Variants in WDR6 observed in about 807,000 individuals in gnomAD.
WDR6 encodes the protein tRNA (34-2'-O)-methyltransferase regulator WDR6.
Under a neutral mutation model 85.6 loss-of-function variants are expected in WDR6, and 58 were observed. That is an observed-to-expected ratio of 0.68 (90% CI 0.55 to 0.84). WDR6 has a LOEUF of 0.84. Ranked by LOEUF, WDR6 falls within the 40% of genes least tolerant of loss-of-function variation. The probability of loss-of-function intolerance (pLI) is 0.00; values close to 1 mark genes in which losing one functional copy is unlikely to be tolerated. For synonymous variants in WDR6, 569 were observed against 582.2 expected, an observed-to-expected ratio of 0.98 and a Z score of 0.33; for missense variants, 1,310 against 1,476.4, an observed-to-expected ratio of 0.89 and a Z score of 1.85.
chr3:49,011,870 G>A lies in WDR6; in HGVS notation c.336G>A (p.Leu112=). The A allele has an allele frequency of 6.2e-7, 1 of 1,614,262 alleles. No individual in the cohort carries two copies. Among genetic ancestry groups the A allele is most frequent in the Non-Finnish European group, 8.5e-7 (1 of 1,180,054 alleles). ...TCTGGGAGCTTTGGCGCTCTGGCCT[G>A]TGGAACATGTCTGACTGGATTTGGG... ...GHFWELWRSG[L]WNMSDWIWDA... The change falls in exon 2 of 6, where the codon CTG becomes CTA. Residue 112 remains leucine (L), a synonymous_variant. Transcript: ENST00000608424.
Position 49,014,641 on chromosome 3 carries a change from C to T in WDR6, c.2825C>T (p.Ala942Val), listed in dbSNP as rs753865101. ...LCSAATDGSL[A>V]FWDLTTMLDH... ...AGCGCAGCTACTGATGGCAGCCTGGCTTTCTGGGATCTCACCACCATGCTA... is the reference window on the plus strand; with the variant it reads ...AGCGCAGCTACTGATGGCAGCCTGGTTTTCTGGGATCTCACCACCATGCTA... The change falls in exon 5 of 6, where the codon GCT becomes GTT. Residue 942 changes from alanine to valine, a missense_variant. Transcript: ENST00000608424. The surrounding 1 kb of genome is among the most constrained non-coding windows in gnomAD (Gnocchi z 4.9). 1.5e-5 allele frequency: 24 copies of T among 1,613,580 alleles called. No individual in the cohort carries two copies. The highest frequency in any genetic ancestry group is 1.9e-5 in the Non-Finnish European group (23 of 1,179,996).
intron 1 of WDR6, among the ~76,000 whole-genome samples, chr3:49,010,569 G>A (rs2093008886): frequency 6.6e-6 from 1 of 151,984 alleles, no homozygotes; most frequent in South Asian, 2.1e-4. Flanking sequence ...TATAAAAACT[G>A]GTCGGGCTTG....
Position 49,014,804 on chromosome 3 carries a change from ACCCTCT to A in WDR6, c.2903-20_2903-15del. ...TGTGGCAGGCGGGGCCCTGACAACT[ACCCTCT>A]TCCTCTTCCTTCAGGGCTTGGCACC... On this transcript the variant is annotated splice_polypyrimidine_tract_variant and intron_variant, in intron 5 of 5. Coordinates refer to ENST00000608424, the MANE Select transcript of WDR6 (RefSeq NM_018031.6). The surrounding 1 kb of genome is among the most constrained non-coding windows in gnomAD (Gnocchi z 4.9). 11 of 1,600,050 alleles carry A rather than the reference ACCCTCT, an allele frequency of 6.9e-6. No individual in the cohort carries two copies. Among genetic ancestry groups the A allele is most frequent in the Non-Finnish European group, 8.5e-6 (10 of 1,171,416 alleles).
Position 49,007,507 on chromosome 3 carries a change from T to A in WDR6, c.76T>A (p.Cys26Ser). 1.3e-6 allele frequency: 2 copies of A among 1,596,372 alleles called. No individual in the cohort carries two copies. Among genetic ancestry groups the A allele is most frequent in the Non-Finnish European group, 8.6e-7 (1 of 1,166,662 alleles). Reference sequence around the variant, plus strand: ...ACTCCTCCCAGTGACGGGTCTGGAGTGCGTGGGGGACCGGCTGTTGGCGGG... The same window carrying A: ...ACTCCTCCCAGTGACGGGTCTGGAGAGCGTGGGGGACCGGCTGTTGGCGGG... ...LILLPVTGLE[C>S]VGDRLLAGEG... The change falls in exon 1 of 6, where the codon TGC becomes AGC. Residue 26 changes from cysteine to serine, a missense_variant. Coordinates refer to ENST00000608424, the MANE Select transcript of WDR6 (RefSeq NM_018031.6). This position sits in a 1 kb window ranked among gnomAD's most constrained non-coding sequence, Gnocchi z 5.1.
At position 49,012,559 on chromosome 3, in the gene WDR6, T is replaced by A. The variant is rs1349674390; in HGVS notation, c.1025T>A (p.Phe342Tyr). ...YRGLGVSALC[F>Y]KSRSRPGTLK... ...GGATTGGGGGTCTCGGCTCTCTGCT[T>A]CAAGTCCCGTAGTAGGCCAGGTACA... The change falls in exon 2 of 6, where the codon TTC becomes TAC. Residue 342 changes from phenylalanine to tyrosine, a missense_variant. Phe to Tyr is a conservative substitution (Grantham distance 22, BLOSUM62 3). Coordinates refer to ENST00000608424, the MANE Select transcript of WDR6 (RefSeq NM_018031.6). This position sits in a 1 kb window ranked among gnomAD's most constrained non-coding sequence, Gnocchi z 4.4. The A allele has an allele frequency of 6.2e-7, 1 of 1,613,984 alleles. No homozygotes were observed. The highest frequency in any genetic ancestry group is 8.5e-7 in the Non-Finnish European group (1 of 1,179,980).
At chr3:49,010,632 C>T (rs1434681547) in intron 1 of WDR6, among the ~76,000 whole-genome samples, 2 of 151,120 alleles carry the variant, frequency 1.3e-5, no homozygotes, top group African/African-American at 4.9e-5. Context: ...GGGCAGATCA[C>T]GAGGTCAGGA....
Position 49,014,244 on chromosome 3 carries a change from C to T in WDR6, c.2617C>T (p.Pro873Ser), listed in dbSNP as rs2093036499. ...CCTTGCTGTGTGTGAACTTGACCAG[C>T]CCGGCCTTGGCCCCCTTGTGGCTGC... ...MSLAVCELDQPGLGPLVAAAC... is the reference protein window; with the variant it reads ...MSLAVCELDQSGLGPLVAAAC... Residue 873 changes from proline (P) to serine (S), a missense_variant, in exon 3 of 6, where the codon CCC (proline) becomes TCC (serine). Physicochemically the swap from Pro to Ser is moderately conservative, Grantham distance 74. Coordinates refer to ENST00000608424, the MANE Select transcript of WDR6 (RefSeq NM_018031.6). The surrounding 1 kb of genome is among the most constrained non-coding windows in gnomAD (Gnocchi z 4.9). 1 of 1,614,136 alleles carries T rather than the reference C, an allele frequency of 6.2e-7. No individual in the cohort carries two copies. The highest frequency in any genetic ancestry group is 8.5e-7 in the Non-Finnish European group (1 of 1,180,024).
chr3:49,014,959 G>T lies in WDR6; in HGVS notation c.3037G>T (p.Ala1013Ser). ...EDGSLHVFVLAVEMLQLEEAV... is the reference protein window; with the variant it reads ...EDGSLHVFVLSVEMLQLEEAV... ...TGGATCCCTCCATGTCTTCGTGCTT[G>T]CTGTGGAGATGCTACAGCTAGAAGA... is the stretch of plus-strand genomic sequence containing the variant. The change falls in exon 6 of 6, where the codon GCT becomes TCT. Residue 1013 changes from alanine (A) to serine (S), a missense_variant. Transcript: ENST00000608424. This position sits in a 1 kb window ranked among gnomAD's most constrained non-coding sequence, Gnocchi z 4.9. 6.2e-7 allele frequency: 1 copy of T among 1,614,180 alleles called. No individual in the cohort carries two copies. The highest frequency in any genetic ancestry group is 1.7e-5 in the Admixed American group (1 of 60,022).
rs1329252251 is a variant in WDR6 at position 49,012,552 on chromosome 3, C to G, written c.1018C>G (p.Leu340Val). The G allele has an allele frequency of 1.9e-6, 3 of 1,614,036 alleles. No individual in the cohort carries two copies. The highest frequency in any genetic ancestry group is 1.7e-5 in the Admixed American group (1 of 60,020). Residue 340 changes from leucine (L) to valine (V), a missense_variant, in exon 2 of 6, where the codon CTC becomes GTC. Transcript: ENST00000608424. This position sits in a 1 kb window ranked among gnomAD's most constrained non-coding sequence, Gnocchi z 4.4. ...RGYRGLGVSA[L>V]CFKSRSRPGT... ...GTACCGGGGATTGGGGGTCTCGGCT[C>G]TCTGCTTCAAGTCCCGTAGTAGGCC... is the stretch of plus-strand genomic sequence containing the variant.
At position 49,013,892 on chromosome 3, in the gene WDR6, C is replaced by T. The variant is rs770217302; in HGVS notation, c.2358C>T (p.Gly786=). The change falls in exon 2 of 6, where the codon GGC becomes GGT. Residue 786 remains glycine, a synonymous_variant. Coordinates refer to ENST00000608424, the MANE Select transcript of WDR6 (RefSeq NM_018031.6). The surrounding 1 kb of genome is among the most constrained non-coding windows in gnomAD (Gnocchi z 4.6). ...GTGCTGTGGCTGTGTGGGGCATTGG[C>T]ACCCCAGGTGGCCCTCAGGATCCTC... ...SVRAVAVWGI[G]TPGGPQDPQP... is the part of the protein sequence containing the mutation. 6.2e-7 allele frequency: 1 copy of T among 1,613,920 alleles called. No homozygotes were observed. Among genetic ancestry groups the T allele is most frequent in the Admixed American group, 1.7e-5 (1 of 60,030 alleles).
In WDR6 at chr3:49,013,653, G is replaced by A. The variant is rs2093030811; in HGVS notation, c.2119G>A (p.Val707Ile). Residue 707 changes from valine (V) to isoleucine (I), a missense_variant, in exon 2 of 6, where the codon GTA becomes ATA. Coordinates refer to ENST00000608424, the MANE Select transcript of WDR6 (RefSeq NM_018031.6). This position sits in a 1 kb window ranked among gnomAD's most constrained non-coding sequence, Gnocchi z 4.6. Reference protein sequence around the residue: ...EGLHGREITCVKRVGTITLGP... With the variant: ...EGLHGREITCIKRVGTITLGP... ...TCTGCATGGCCGTGAGATCACTTGT[G>A]TAAAGCGTGTGGGCACCATTACCCT... The A allele has an allele frequency of 6.2e-7, 1 of 1,614,032 alleles. No individual in the cohort carries two copies. Among genetic ancestry groups the A allele is most frequent in the African/African-American group, 1.3e-5 (1 of 74,906 alleles).
chr3:49,012,577 C>G lies in WDR6; in HGVS notation c.1043C>G (p.Pro348Arg), dbSNP rs2093022965. The G allele has an allele frequency of 6.2e-7, 1 of 1,614,028 alleles. No individual in the cohort carries two copies. The highest frequency in any genetic ancestry group is 8.5e-7 in the Non-Finnish European group (1 of 1,180,014). Residue 348 changes from proline to arginine, a missense_variant, in exon 2 of 6, where the codon CCA (proline) becomes CGA (arginine). Physicochemically the swap from Pro to Arg is moderately radical, Grantham distance 103. Transcript: ENST00000608424. This position sits in a 1 kb window ranked among gnomAD's most constrained non-coding sequence, Gnocchi z 4.4. Reference protein sequence around the residue: ...SALCFKSRSRPGTLKAVTLAG... With the variant: ...SALCFKSRSRRGTLKAVTLAG... ...CTCTGCTTCAAGTCCCGTAGTAGGC[C>G]AGGTACACTCAAGGCTGTGACTCTG... is the stretch of plus-strand genomic sequence containing the variant.
rs1421150066 is a variant in WDR6 at position 49,014,337 on chromosome 3, G to C, written c.2666+44G>C. 6.2e-7 allele frequency: 1 copy of C among 1,614,082 alleles called. No individual in the cohort carries two copies. Among genetic ancestry groups the C allele is most frequent in the Non-Finnish European group, 8.5e-7 (1 of 1,179,984 alleles). Reference sequence around the variant, plus strand: ...GTGGGACAGGAGACAAAGGAAGTAAGGTTGTCTAGGATGCGTTCTGAGCTG... The same window carrying C: ...GTGGGACAGGAGACAAAGGAAGTAACGTTGTCTAGGATGCGTTCTGAGCTG... On this transcript the variant is annotated intron_variant, in intron 3 of 5. Coordinates refer to ENST00000608424, the MANE Select transcript of WDR6 (RefSeq NM_018031.6). The surrounding 1 kb of genome is among the most constrained non-coding windows in gnomAD (Gnocchi z 4.9).
At chr3:49,011,420 G>A (rs777845719) in intron 1 of WDR6, 1 of 1,417,388 alleles carries the variant, frequency 7.1e-7, no homozygotes, top group Middle Eastern at 2.3e-4. Flanking sequence ...TTTTGAGACA[G>A]AGTCTGGCTT....
rs1379882308 is a variant in WDR6, at chr3:49,015,770, C to A, written c.*482C>A. On this transcript the variant is annotated 3_prime_UTR_variant, in exon 6 of 6. Transcript: ENST00000608424. ...TCCTTTGCCTTTACCCTATACCTCT[C>A]TGCACGTCCCACCCCATTTTGCTGT... 6.2e-7 allele frequency: 1 copy of A among 1,614,114 alleles called. No individual in the cohort carries two copies. The highest frequency in any genetic ancestry group is 1.7e-5 in the Admixed American group (1 of 60,012).
rs2093037504 is a variant in WDR6, at chr3:49,014,325, C to T, written c.2666+32C>T. Reference sequence around the variant, plus strand: ...GCATAGGGCCCAGTGGGACAGGAGACAAAGGAAGTAAGGTTGTCTAGGATG... The same window carrying T: ...GCATAGGGCCCAGTGGGACAGGAGATAAAGGAAGTAAGGTTGTCTAGGATG... On this transcript the variant is annotated intron_variant, in intron 3 of 5. Transcript: ENST00000608424. The surrounding 1 kb of genome is among the most constrained non-coding windows in gnomAD (Gnocchi z 4.9). 8 of 1,614,104 alleles carry T rather than the reference C, an allele frequency of 5.0e-6. No individual in the cohort carries two copies. Among genetic ancestry groups the T allele is most frequent in the Non-Finnish European group, 6.8e-6 (8 of 1,180,026 alleles).
Position 49,007,779 on chromosome 3 carries a change from G to A in WDR6, c.100+248G>A, listed in dbSNP as rs2106679437. 1 of 1,111,934 alleles carries A rather than the reference G, an allele frequency of 9.0e-7. No homozygotes were observed. The highest frequency in any genetic ancestry group is 1.2e-6 in the Non-Finnish European group (1 of 860,972). 68.9% of individuals were successfully genotyped at this position (1,111,934 alleles called of 1,614,324 possible). A position where few individuals can be genotyped will look rare whatever the true frequency, so the allele number is the denominator to read the frequency against. ...ATAAACTTCAGCCCGCGTGGAAAGG[G>A]CGGGTGGAACCGCGGGAGGGTGCAG... is the stretch of plus-strand genomic sequence containing the variant. On this transcript the variant is annotated intron_variant, in intron 1 of 5. Transcript: ENST00000608424. The surrounding 1 kb of genome is among the most constrained non-coding windows in gnomAD (Gnocchi z 5.1).
Position 49,014,501 on chromosome 3 carries a change from TGA to T in WDR6, c.2783+6_2783+7del, listed in dbSNP as rs1229258992. The T allele has an allele frequency of 1.4e-5, 22 of 1,613,630 alleles. No homozygotes were observed. The highest frequency in any genetic ancestry group is 1.7e-5 in the Non-Finnish European group (20 of 1,179,936). On this transcript the variant is annotated splice_donor_region_variant and intron_variant, in intron 4 of 5. Transcript: ENST00000608424. The surrounding 1 kb of genome is among the most constrained non-coding windows in gnomAD (Gnocchi z 4.9). ...ACACGAGGCACCCAACCAGAGGCGG[TGA>T]GAGGGGCTGGATGATGGTCCTGCAT...
Position 49,013,411 on chromosome 3 carries a change from G to GTTATC in WDR6, c.1877_1878insTTATC (p.Met627TyrfsTer69). On this transcript the variant is annotated frameshift_variant, in exon 2 of 6. Transcript: ENST00000608424. LOFTEE classifies it high-confidence loss of function. The surrounding 1 kb of genome is among the most constrained non-coding windows in gnomAD (Gnocchi z 4.6). ...GGGCTCCGTATAGTGCCCGATGGGA[G>GTTATC]CATGGTTATCCTGGGTTTCCATGCC... 1 of 1,614,224 alleles carries GTTATC rather than the reference G, an allele frequency of 6.2e-7. No homozygotes were observed. The highest frequency in any genetic ancestry group is 8.5e-7 in the Non-Finnish European group (1 of 1,180,034).
Sources: allele counts gnomAD v4.1 joint callset (sites outside exome capture counted in the v4.1 genomes callset), GRCh38; gene constraint gnomAD v4.1.1; non-coding constraint Gnocchi (gnomAD v3.1); transcripts MANE v1.5; gene names NCBI Gene and HGNC (gene_info 2026-07-23, HGNC 2026-07-21).